TOPAZ1: variants seen among roughly 807,000 people sequenced by gnomAD.
The protein encoded by TOPAZ1 is protein TOPAZ1.
TOPAZ1 carries 66 observed loss-of-function variants against 172.2 expected under a neutral mutation model. That is an observed-to-expected ratio of 0.38 (90% CI 0.31 to 0.47). The LOEUF (loss-of-function observed/expected upper bound fraction) is 0.47, where lower values mean the gene tolerates loss of function less well. TOPAZ1 is among the 20% of genes least tolerant of loss of function. TOPAZ1 has a pLI of 0.99. For missense variants in TOPAZ1, 1,822 were observed against 1,972.4 expected, an observed-to-expected ratio of 0.92 and a Z score of 1.44; for synonymous variants, 681 against 683.9, an observed-to-expected ratio of 1.00 and a Z score of 0.07.
At chr3:44,320,556 C>G (rs915042169) in intron 16 of TOPAZ1, among the ~76,000 whole-genome samples, 3 of 152,010 alleles carry the variant, frequency 2.0e-5, no homozygotes, top group African/African-American at 7.3e-5. Flanking sequence ...CAAGATTGCG[C>G]CACTGCACTG....
At chr3:44,283,368 T>G (rs1480414242) in intron 9 of TOPAZ1, among the ~76,000 whole-genome samples, 1 of 152,080 alleles carries the variant, frequency 6.6e-6, no homozygotes, top group East Asian at 1.9e-4. Flanking sequence ...AGGAATCACT[T>G]TAAGAATGAT....
chr3:44,262,910 G>C (rs544524558), intron 5 of TOPAZ1, among the ~76,000 whole-genome samples: 1 of 152,274 alleles, frequency 6.6e-6, no homozygotes, highest in East Asian at 1.9e-4. Context: ...AAGACCATCT[G>C]ATCCATCCTC....
Position 44,243,343 on chromosome 3 carries a change from G to C in TOPAZ1, c.837G>C (p.Gln279His), listed in dbSNP as rs1699511202. 5 of 1,551,124 alleles carry C rather than the reference G, an allele frequency of 3.2e-6. No homozygotes were observed. Among genetic ancestry groups the C allele is most frequent in the Non-Finnish European group, 4.4e-6 (5 of 1,146,832 alleles). ...AGAGTGACACAAATAGTATTCCTCAGCTCTTACAAACAGAAGAAAATGTAA... is the reference window on the plus strand; with the variant it reads ...AGAGTGACACAAATAGTATTCCTCACCTCTTACAAACAGAAGAAAATGTAA... Reference protein sequence around the residue: ...AEKSDTNSIPQLLQTEENVMG... With the variant: ...AEKSDTNSIPHLLQTEENVMG... Residue 279 changes from glutamine to histidine, a missense_variant, in exon 2 of 20, where the codon CAG becomes CAC. By Grantham distance (24) the Gln-to-His change is conservative. This residue lies in a region of TOPAZ1 where 1,489 missense variants were observed against 1,490.8 expected (regional missense o/e 1.00). Coordinates refer to ENST00000309765, the MANE Select transcript of TOPAZ1 (RefSeq NM_001145030.2).
rs1049172963 is a variant in TOPAZ1, at chr3:44,242,343, C to T, written c.290C>T (p.Pro97Leu). 3.1e-5 allele frequency: 48 copies of T among 1,552,170 alleles called. No homozygotes were observed. Among genetic ancestry groups the T allele is most frequent in the Middle Eastern group, 3.3e-4 (2 of 6,018 alleles). Residue 97 changes from proline to leucine, a missense_variant, in exon 1 of 20, where the codon CCG becomes CTG. Physicochemically the swap from Pro to Leu is moderately conservative, Grantham distance 98 (BLOSUM62 -3). This residue lies in a region of TOPAZ1 where 1,489 missense variants were observed against 1,490.8 expected (regional missense o/e 1.00). Transcript: ENST00000309765. ...GPVSPSDSSD[P>L]RGLEAAKEAE... ...GTGAGCCCGTCAGACTCGTCAGACC[C>T]GCGAGGCCTAGAAGCAGCAAAGGAG... is the stretch of plus-strand genomic sequence containing the variant.
chr3:44,320,200 C>T (rs927860685), intron 16 of TOPAZ1, among the ~76,000 whole-genome samples: 2 of 152,100 alleles, frequency 1.3e-5, no homozygotes, highest in African/African-American at 4.8e-5. Flanking sequence ...GATGGGTACA[C>T]AGGAGTTAAT....
At position 44,242,149 on chromosome 3, in the gene TOPAZ1, G is replaced by T. The variant is rs1028041281; in HGVS notation, c.96G>T (p.Ala32=). The part of the protein sequence containing the change: ...LQKRQAPGPG[A]AGGCGPEAGG... Reference sequence around the variant, plus strand: ...AGCGGCAGGCGCCAGGGCCAGGCGCGGCGGGAGGCTGTGGCCCTGAGGCCG... The same window carrying T: ...AGCGGCAGGCGCCAGGGCCAGGCGCTGCGGGAGGCTGTGGCCCTGAGGCCG... The change falls in exon 1 of 20, where the codon GCG becomes GCT. Residue 32 remains alanine (A), a synonymous_variant. Coordinates refer to ENST00000309765, the MANE Select transcript of TOPAZ1 (RefSeq NM_001145030.2). The T allele has an allele frequency of 1.9e-6, 3 of 1,548,564 alleles. No homozygotes were observed. The highest frequency in any genetic ancestry group is 2.7e-5 in the African/African-American group (2 of 72,970).
intron 2 of TOPAZ1, among the ~76,000 whole-genome samples, chr3:44,254,222 T>G (rs1179374077): frequency 1.3e-5 from 2 of 152,216 alleles, no homozygotes; most frequent in Non-Finnish European, 2.9e-5. Flanking sequence ...CTGTTCTACA[T>G]ATTCTTAATC....
At chr3:44,259,981 T>C (rs1477511322) in intron 4 of TOPAZ1, among the ~76,000 whole-genome samples, 1 of 152,296 alleles carries the variant, frequency 6.6e-6, no homozygotes, top group South Asian at 2.1e-4. Flanking sequence ...GGTAATTGAA[T>C]CATTGGGGCA....
intron 5 of TOPAZ1, among the ~76,000 whole-genome samples, chr3:44,266,726 A>G (rs528198460): frequency 6.6e-6 from 1 of 152,264 alleles, no homozygotes; most frequent in African/African-American, 2.4e-5. Flanking sequence ...ATCACTGATC[A>G]TAGAGCACCA....
chr3:44,293,990 C>A (rs960875144), intron 12 of TOPAZ1, among the ~76,000 whole-genome samples: 3 of 152,184 alleles, frequency 2.0e-5, no homozygotes, highest in Admixed American at 6.5e-5. Flanking sequence ...CCTGTAATCC[C>A]AGTACTTTGG....
Position 44,267,249 on chromosome 3 carries a change from A to T in TOPAZ1, c.3160+113A>T, listed in dbSNP as rs1699840521. ...AAAAAGAAAAATGGAATCATGTAGA[A>T]TATGTTAAAATTAGAAGGTTTGTGC... On this transcript the variant is annotated intron_variant, in intron 6 of 19. Coordinates refer to ENST00000309765, the MANE Select transcript of TOPAZ1 (RefSeq NM_001145030.2). The T allele has an allele frequency of 3.5e-6, 3 of 862,938 alleles. No individual in the cohort carries two copies. The South Asian group carries it at 7.8e-5, about 22-fold the overall frequency. 53.5% of individuals were successfully genotyped at this position (862,938 alleles called of 1,614,324 possible).
chr3:44,245,565 C>T (rs1699555137), intron 2 of TOPAZ1, among the ~76,000 whole-genome samples: 3 of 116,422 alleles, frequency 2.6e-5, no homozygotes, highest in African/African-American at 3.4e-5. Context: ...TTAACGGAGT[C>T]TCGCTCTGTC....
chr3:44,254,925 T>C, intron 2 of TOPAZ1, 43 bp from the exon 3 acceptor site: 1 of 1,412,770 alleles, frequency 7.1e-7, no homozygotes, highest in Non-Finnish European at 9.8e-7. Flanking sequence ...TAGTTCTGCT[T>C]AGAATCTATT....
intron 4 of TOPAZ1, 27 bp from the exon 5 acceptor site, chr3:44,262,392 A>G (rs1699784659): frequency 1.6e-6 from 2 of 1,284,732 alleles, no homozygotes; most frequent in African/African-American, 1.5e-5. Flanking sequence ...CTTCACTTGT[A>G]CTTATTTAAC....
At position 44,323,095 on chromosome 3, in the gene TOPAZ1, C is replaced by G; in HGVS notation, c.4475C>G (p.Thr1492Ser). The G allele has an allele frequency of 6.6e-7, 1 of 1,512,948 alleles. No homozygotes were observed. 93.7% of individuals were successfully genotyped at this position (1,512,948 alleles called of 1,614,324 possible). Residue 1492 changes from threonine (T) to serine (S), a missense_variant, in exon 18 of 20, where the codon ACT (threonine) becomes AGT (serine). Physicochemically the swap from Thr to Ser is moderately conservative, Grantham distance 58. Coordinates refer to ENST00000309765, the MANE Select transcript of TOPAZ1 (RefSeq NM_001145030.2). ...NLPGFQNSQE[T>S]VEVSQYSLLF... Reference sequence around the variant, plus strand: ...TATATCATTTTTTTTATTCCAGAAACTGTGGAAGTCTCACAATATAGCCTT... The same window carrying G: ...TATATCATTTTTTTTATTCCAGAAAGTGTGGAAGTCTCACAATATAGCCTT...
chr3:44,253,227 A>G (rs939543641), intron 2 of TOPAZ1, among the ~76,000 whole-genome samples: 1 of 152,212 alleles, frequency 6.6e-6, no homozygotes, highest in African/African-American at 2.4e-5. Context: ...AGACCTTCCT[A>G]GGCAAACTAG....
intron 8 of TOPAZ1, among the ~76,000 whole-genome samples, chr3:44,272,340 T>C (rs1054732277): frequency 2.6e-5 from 4 of 152,238 alleles, no homozygotes; most frequent in Non-Finnish European, 5.9e-5. Context: ...CTATAATGGC[T>C]ATACTAATTT....
At chr3:44,328,481 C>T in intron 19 of TOPAZ1, 48 bp downstream of exon 19, 1 of 1,010,490 alleles carries the variant, frequency 9.9e-7, no homozygotes, top group Non-Finnish European at 1.4e-6. Context: ...ATCATGACTC[C>T]CCACACCCAC....
chr3:44,254,165 T>C (rs1699667386), intron 2 of TOPAZ1, among the ~76,000 whole-genome samples: 1 of 152,236 alleles, frequency 6.6e-6, no homozygotes, highest in Admixed American at 6.5e-5. Flanking sequence ...TGCCACAGTT[T>C]ACACAGCAAG....
Sources: gnomAD v4.1 joint callset for allele counts (sites outside exome capture counted in the v4.1 genomes callset) on GRCh38, gnomAD v4.1.1 for gene constraint, gnomAD v4.1.1 regional missense constraint, MANE v1.5 for transcripts, NCBI Gene and HGNC (gene_info 2026-07-23, HGNC 2026-07-21) for gene names.